Variants in TNFSF12 observed in about 807,000 individuals in gnomAD.
TNFSF12 encodes the protein TNF superfamily member 12, also known as tumor necrosis factor ligand superfamily member 12.
In TNFSF12, 16 loss-of-function variants were observed where a neutral mutation model predicts 31.2. That is an observed-to-expected ratio of 0.51 (90% confidence interval 0.35 to 0.78). The LOEUF (loss-of-function observed/expected upper bound fraction) is 0.78. Among genes scored for constraint, TNFSF12 ranks in the 30% least tolerant of loss-of-function variants. The probability of loss-of-function intolerance (pLI) is 0.01; values close to 1 mark genes in which losing one functional copy is unlikely to be tolerated. For missense variants in TNFSF12, 324 were observed against 338.8 expected (o/e 0.96, Z 0.34); for synonymous variants, 150 against 151.4 (o/e 0.99, Z 0.07).
In TNFSF12 at chr17:7,550,501, A is replaced by T. The variant is rs2070988578; in HGVS notation, c.284-298A>T. On this transcript the variant is annotated intron_variant, in intron 3 of 6. Coordinates refer to ENST00000293825, the MANE Select transcript of TNFSF12 (RefSeq NM_003809.3). The surrounding 1 kb of genome is among the most constrained non-coding windows in gnomAD (Gnocchi z 4.4). Reference sequence around the variant, plus strand: ...GTAGGCAAAGAGACTTAGGAATGGGATGATGGGGTGGCCGGATGACCACGT... The same window carrying T: ...GTAGGCAAAGAGACTTAGGAATGGGTTGATGGGGTGGCCGGATGACCACGT... Among the ~76,000 whole-genome samples the T allele has an allele frequency of 6.6e-6, 1 of 151,996 alleles. No homozygotes were observed. The highest frequency in any genetic ancestry group is 2.4e-5 in the African/African-American group (1 of 41,366).
In TNFSF12 at chr17:7,557,796, C is replaced by T. The variant is rs2071093764; in HGVS notation, c.*446C>T. The T allele has an allele frequency of 5.9e-6, 1 of 169,686 alleles. No individual in the cohort carries two copies. The highest frequency in any genetic ancestry group is 1.8e-4 in the South Asian group (1 of 5,548). 10.5% of individuals were successfully genotyped at this position (169,686 alleles called of 1,614,324 possible). On this transcript the variant is annotated 3_prime_UTR_variant, in exon 7 of 7. Coordinates refer to ENST00000293825, the MANE Select transcript of TNFSF12 (RefSeq NM_003809.3). The surrounding 1 kb of genome is among the most constrained non-coding windows in gnomAD (Gnocchi z 5.2). ...GGCGAGAAACAAGACAAGCTCCTCCCTTGAGAATTCCCTGTGGATTTTTAA... is the reference window on the plus strand; with the variant it reads ...GGCGAGAAACAAGACAAGCTCCTCCTTTGAGAATTCCCTGTGGATTTTTAA...
rs899604848 is a variant in TNFSF12, at chr17:7,549,117, TG to T, written c.-30del. 5.0e-5 allele frequency: 62 copies of T among 1,235,594 alleles called. No individual in the cohort carries two copies. Among genetic ancestry groups the T allele is most frequent in the South Asian group, 6.9e-5 (2 of 28,936 alleles). The allele number at this position is 1,235,594 out of a possible 1,614,324, so 76.5% of individuals were successfully genotyped here. On this transcript the variant is annotated 5_prime_UTR_variant, in exon 1 of 7. An upstream open reading frame in the 5' UTR loses its in-frame stop. Transcript: ENST00000293825. This position sits in a 1 kb window ranked among gnomAD's most constrained non-coding sequence, Gnocchi z 4.1. ...TCCCCCGATCCCTCGGGTCCCGGGA[TG>T]GGGGGGCGGTGAGGCAGGCACAGCC...
At position 7,549,230 on chromosome 17, in the gene TNFSF12, T is replaced by C; in HGVS notation, c.77T>C (p.Leu26Pro). 2 of 1,366,994 alleles carry C rather than the reference T, an allele frequency of 1.5e-6. No homozygotes were observed. Among genetic ancestry groups the C allele is most frequent in the Non-Finnish European group, 1.9e-6 (2 of 1,064,066 alleles). 84.7% of individuals were successfully genotyped at this position (1,366,994 alleles called of 1,614,324 possible). A position where few individuals can be genotyped will look rare whatever the true frequency, so the allele number is the denominator to read the frequency against. The change falls in exon 1 of 7, where the codon CTG becomes CCG. Residue 26 changes from leucine to proline, a missense_variant. Physicochemically the swap from Leu to Pro is moderately conservative, Grantham distance 98 (BLOSUM62 -3). Coordinates refer to ENST00000293825, the MANE Select transcript of TNFSF12 (RefSeq NM_003809.3). This position sits in a 1 kb window ranked among gnomAD's most constrained non-coding sequence, Gnocchi z 4.1. ...PGTALLVPLA[L>P]GLGLALACLG... is the part of the protein sequence containing the mutation. ...ACCGCCCTGCTGGTCCCGCTCGCGC[T>C]GGGCCTGGGCCTGGCGCTGGCCTGC...
In TNFSF12 at chr17:7,553,023, C is replaced by CTTT. The variant is rs71159509; in HGVS notation, c.373+2082_373+2084dup. Among the ~76,000 whole-genome samples, 47 of 66,092 alleles carry CTTT rather than the reference C, an allele frequency of 7.1e-4. 5 individuals carry two copies. Among genetic ancestry groups the CTTT allele is most frequent in the Non-Finnish European group, 7.8e-4 (29 of 37,304 alleles). 43.4% of individuals were successfully genotyped at this position (66,092 alleles called of 152,430 possible). On this transcript the variant is annotated intron_variant, in intron 5 of 6. Coordinates refer to ENST00000293825, the MANE Select transcript of TNFSF12 (RefSeq NM_003809.3). ...ATAAGGAACTGGAGGCAGGGACAAC[C>CTTT]TTTTTTTTTTTTTTTTTTTTTTTTT...
intron 5 of TNFSF12, among the ~76,000 whole-genome samples, chr17:7,555,972 C>CTTTTTTTTTTTT (rs1567722150): frequency 8.9e-4 from 13 of 14,600 alleles, no homozygotes; most frequent in Admixed American, 4.0e-3. Flanking sequence ...GCCCAGTGAG[C>CTTTTTTTTTTTT]GTTTTTTTTG....
In TNFSF12 at chr17:7,549,059, T is replaced by G; in HGVS notation, c.-95T>G. 4.6e-6 allele frequency: 3 copies of G among 654,298 alleles called. No individual in the cohort carries two copies. Among genetic ancestry groups the G allele is most frequent in the African/African-American group, 2.0e-5 (1 of 50,314 alleles). 40.5% of individuals were successfully genotyped at this position (654,298 alleles called of 1,614,324 possible). A position where few individuals can be genotyped will look rare whatever the true frequency, so the allele number is the denominator to read the frequency against. ...CCGCCCCGTTTCCCTTGCCCCTCCC[T>G]CTCCCCGGCCCGATCCGCCCGCCGG... is the stretch of plus-strand genomic sequence containing the variant. On this transcript the variant is annotated 5_prime_UTR_variant, in exon 1 of 7. Transcript: ENST00000293825. This position sits in a 1 kb window ranked among gnomAD's most constrained non-coding sequence, Gnocchi z 4.1.
intron 5 of TNFSF12, among the ~76,000 whole-genome samples, chr17:7,552,064 G>T (rs1380128665): frequency 1.3e-5 from 2 of 152,186 alleles, no homozygotes; most frequent in African/African-American, 4.8e-5. Flanking sequence ...GGGATTACAG[G>T]CATGAGCCAC....
intron 5 of TNFSF12, among the ~76,000 whole-genome samples, chr17:7,555,972 CGTTTTTTTT>C (rs1439833935): frequency 6.9e-4 from 10 of 14,576 alleles, no homozygotes; most frequent in Admixed American, 3.9e-3. Flanking sequence ...GCCCAGTGAG[CGTTTTTTTT>C]GTTTTTTTTT....
At chr17:7,555,982 G>GTTTTTTTTTTTTTTTTTT (rs1167470187) in intron 5 of TNFSF12, among the ~76,000 whole-genome samples, 5 of 117,732 alleles carry the variant, frequency 4.2e-5, no homozygotes, top group Non-Finnish European at 6.9e-5. Context: ...CGTTTTTTTT[G>GTTTTTTTTTTTTTTTTTT]TTTTTTTTTT....
At chr17:7,556,729 G>A (rs769783617) in intron 5 of TNFSF12, 49 bp from the exon 6 acceptor site, 1 of 1,436,900 alleles carries the variant, frequency 7.0e-7, no homozygotes, top group Non-Finnish European at 9.2e-7. Flanking sequence ...GGGAGTGTGG[G>A]GGAGTCCTGT....
Position 7,549,327 on chromosome 17 carries a change from C to A in TNFSF12, c.159+15C>A. The A allele has an allele frequency of 7.1e-7, 1 of 1,399,156 alleles. No individual in the cohort carries two copies. Among genetic ancestry groups the A allele is most frequent in the Non-Finnish European group, 9.3e-7 (1 of 1,072,162 alleles). The allele number at this position is 1,399,156 out of a possible 1,614,324, so 86.7% of individuals were successfully genotyped here. On this transcript the variant is annotated intron_variant, in intron 1 of 6. Coordinates refer to ENST00000293825, the MANE Select transcript of TNFSF12 (RefSeq NM_003809.3). This position sits in a 1 kb window ranked among gnomAD's most constrained non-coding sequence, Gnocchi z 4.1. Reference sequence around the variant, plus strand: ...TGTCCGCCCAGGTGAGGCCCCGCTGCGCACCCCTTCTTGGGCACATCAGGA... The same window carrying A: ...TGTCCGCCCAGGTGAGGCCCCGCTGAGCACCCCTTCTTGGGCACATCAGGA...
intron 5 of TNFSF12, among the ~76,000 whole-genome samples, chr17:7,552,536 C>T (rs1344215056): frequency 6.6e-6 from 1 of 152,006 alleles, no homozygotes; most frequent in Non-Finnish European, 1.5e-5. Flanking sequence ...ACCGTGTTGG[C>T]CAGGCTGGTC....
Position 7,549,117 on chromosome 17 carries a change from T to G in TNFSF12, c.-37T>G. The G allele has an allele frequency of 1.6e-6, 2 of 1,235,698 alleles. No individual in the cohort carries two copies. The highest frequency in any genetic ancestry group is 3.1e-4 in the Middle Eastern group (1 of 3,184). The allele number at this position is 1,235,698 out of a possible 1,614,324, so 76.5% of individuals were successfully genotyped here. A position where few individuals can be genotyped will look rare whatever the true frequency, so the allele number is the denominator to read the frequency against. ...TCCCCCGATCCCTCGGGTCCCGGGA[T>G]GGGGGGGCGGTGAGGCAGGCACAGC... On this transcript the variant is annotated 5_prime_UTR_variant, in exon 1 of 7. The change abolishes an upstream ATG in the 5' untranslated region. Transcript: ENST00000293825. This position sits in a 1 kb window ranked among gnomAD's most constrained non-coding sequence, Gnocchi z 4.1.
chr17:7,554,742 G>T (rs1438559953), intron 5 of TNFSF12, among the ~76,000 whole-genome samples: 1 of 146,050 alleles, frequency 6.8e-6, no homozygotes. Context: ...AGTCTCCCGA[G>T]TAGCTGGGAC....
At position 7,549,695 on chromosome 17, in the gene TNFSF12, C is replaced by CT. The variant is rs2070978107; in HGVS notation, c.207+175dup. 4.5e-6 allele frequency: 5 copies of CT among 1,106,338 alleles called. No homozygotes were observed. The South Asian group carries it at 9.2e-5, about 20-fold the overall frequency. The allele number at this position is 1,106,338 out of a possible 1,614,324, so 68.5% of individuals were successfully genotyped here. ...GGGGTGTGTGTGCGTGGTGACAACT[C>CT]TGTGTGAGGGGTTTGTGCTGGGGTT... On this transcript the variant is annotated intron_variant, in intron 2 of 6. Transcript: ENST00000293825. The surrounding 1 kb of genome is among the most constrained non-coding windows in gnomAD (Gnocchi z 4.1).
In TNFSF12 at chr17:7,557,249, G is replaced by GCCCTGCGGCCAGGGTCCT; in HGVS notation, c.658_675dup (p.Pro220_Arg225dup). 2 of 1,613,740 alleles carry GCCCTGCGGCCAGGGTCCT rather than the reference G, an allele frequency of 1.2e-6. No individual in the cohort carries two copies. Among genetic ancestry groups the GCCCTGCGGCCAGGGTCCT allele is most frequent in the Non-Finnish European group, 8.5e-7 (1 of 1,179,982 alleles). On this transcript the variant is annotated inframe_insertion, in exon 7 of 7. Coordinates refer to ENST00000293825, the MANE Select transcript of TNFSF12 (RefSeq NM_003809.3). This position sits in a 1 kb window ranked among gnomAD's most constrained non-coding sequence, Gnocchi z 5.2. ...CCTCTGCCAGGTGTCTGGGCTGTTG[G>GCCCTGCGGCCAGGGTCCT]CCCTGCGGCCAGGGTCCTCCCTGCG...
intron 5 of TNFSF12, chr17:7,553,791 C>T: frequency 2.5e-6 from 3 of 1,186,288 alleles, no homozygotes; most frequent in Non-Finnish European, 3.2e-6. Flanking sequence ...CATCTCCCAC[C>T]ATTACCAGAG....
Position 7,557,499 on chromosome 17 carries a change from T to A in TNFSF12, c.*149T>A, listed in dbSNP as rs1450886912. On this transcript the variant is annotated 3_prime_UTR_variant, in exon 7 of 7. Coordinates refer to ENST00000293825, the MANE Select transcript of TNFSF12 (RefSeq NM_003809.3). The surrounding 1 kb of genome is among the most constrained non-coding windows in gnomAD (Gnocchi z 5.2). ...GGCTGCCTGGGCCTGTTCACGTGTT[T>A]TCCATCCCACATAAATACAGTATTC... is the stretch of plus-strand genomic sequence containing the variant. 1 of 1,093,956 alleles carries A rather than the reference T, an allele frequency of 9.1e-7. No homozygotes were observed. Among genetic ancestry groups the A allele is most frequent in the African/African-American group, 1.6e-5 (1 of 63,228 alleles). 67.8% of individuals were successfully genotyped at this position (1,093,956 alleles called of 1,614,324 possible).
chr17:7,552,494 A>AT (rs2071011657), intron 5 of TNFSF12, among the ~76,000 whole-genome samples: 1 of 151,750 alleles, frequency 6.6e-6, no homozygotes, highest in Non-Finnish European at 1.5e-5. Flanking sequence ...CACCCAGCTC[A>AT]TTTTTGTATT....
Sources: gnomAD v4.1 joint callset for allele counts (sites outside exome capture counted in the v4.1 genomes callset) on GRCh38, gnomAD v4.1.1 for gene constraint, Gnocchi (gnomAD v3.1) non-coding constraint, MANE v1.5 for transcripts, NCBI Gene and HGNC (gene_info 2026-07-23, HGNC 2026-07-21) for gene names.